The following HTN1 variants were observed in gnomAD, a reference collection of about 807,000 sequenced individuals.
The protein encoded by HTN1 is histatin-1.
HTN1 carries 18 observed loss-of-function variants against 11.2 expected under a neutral mutation model. The observed-to-expected ratio is 1.61, with a 90% CI of 1.12 to 2.39. The LOEUF (loss-of-function observed/expected upper bound fraction) is 2.39. Among genes scored for constraint, HTN1 ranks in the 30% most tolerant of loss-of-function variants. HTN1 has a pLI of 0.00. For synonymous variants in HTN1, 21 were observed against 20.5 expected (o/e 1.02, Z -0.07); for missense variants, 80 against 67.2 (o/e 1.19, Z -0.67).
intron 1 of HTN1, among the ~76,000 whole-genome samples, chr4:70,052,128 G>T (rs1725909846): frequency 6.6e-6 from 1 of 152,034 alleles, no homozygotes; most frequent in Admixed American, 6.6e-5. Context: ...TTGAAATATT[G>T]AATAATCTTC....
intron 4 of HTN1, among the ~76,000 whole-genome samples, chr4:70,054,768 C>T (rs1725990763): frequency 6.6e-6 from 1 of 151,932 alleles, no homozygotes; most frequent in Non-Finnish European, 1.5e-5. Context: ...ATAACATATG[C>T]TTAATAAAGC....
chr4:70,055,741 GC>G, intron 5 of HTN1, 139 bp downstream of exon 5: 1 of 549,196 alleles, frequency 1.8e-6, no homozygotes, highest in Non-Finnish European at 3.3e-6. Flanking sequence ...TTGTATAAAT[GC>G]TTCTGAAGCT....
chr4:70,056,395 G>C (rs1340324653), intron 5 of HTN1: 1 of 152,042 alleles, frequency 6.6e-6, no homozygotes, highest in Non-Finnish European at 1.5e-5. Context: ...ACTCAAGACA[G>C]ATTAAAAACT....
At chr4:70,051,746 T>A (rs1725899548) in intron 1 of HTN1, among the ~76,000 whole-genome samples, 1 of 152,118 alleles carries the variant, frequency 6.6e-6, no homozygotes, top group African/African-American at 2.4e-5. Context: ...GCCATAAATC[T>A]TGGGTTCTGC....
rs139997820 is a variant in HTN1, at chr4:70,054,666, G to A, written c.102+216G>A. ...AGAAACTCAATTCCACCTGAAATAA[G>A]TCAATTGTCAATTATTCTCTGAGAA... On this transcript the variant is annotated intron_variant, in intron 4 of 5. Transcript: ENST00000246896. Among the ~76,000 whole-genome samples, 37 of 152,108 alleles carry A rather than the reference G, an allele frequency of 2.4e-4. No individual in the cohort carries two copies. In the East Asian group the frequency reaches 6.9e-3, roughly 29 times the overall value.
intron 5 of HTN1, chr4:70,057,648 T>C (rs1726076780): frequency 6.6e-6 from 1 of 152,198 alleles, no homozygotes; most frequent in South Asian, 2.1e-4. Context: ...ACCTCAGTTT[T>C]CTAATCGACA....
chr4:70,057,902 C>T (rs1354019013), intron 5 of HTN1: 3 of 152,072 alleles, frequency 2.0e-5, no homozygotes, highest in Non-Finnish European at 4.4e-5. Context: ...CTCTAATGAG[C>T]AATTGCTATA....
At chr4:70,052,846 T>C in intron 1 of HTN1, 1 of 420,998 alleles carries the variant, frequency 2.4e-6, no homozygotes, top group Non-Finnish European at 4.3e-6. Context: ...CACACACTTG[T>C]AGTTCCAGCT....
At chr4:70,051,737 C>T (rs556136437) in intron 1 of HTN1, among the ~76,000 whole-genome samples, 1 of 151,926 alleles carries the variant, frequency 6.6e-6, no homozygotes, top group South Asian at 2.1e-4. Flanking sequence ...ATGGTAAATG[C>T]CATAAATCTT....
rs367871166 is a variant in HTN1, at chr4:70,055,573, C to G, written c.*4C>G. 2.0e-6 allele frequency: 3 copies of G among 1,519,318 alleles called. No homozygotes were observed. The highest frequency in any genetic ancestry group is 2.8e-5 in the African/African-American group (2 of 72,588). 94.1% of individuals were successfully genotyped at this position (1,519,318 alleles called of 1,614,324 possible). ...AAATTATCTATATGACAATTGATAT[C>G]CTTAGTAATCATGGGGCATGATTAT... On this transcript the variant is annotated 3_prime_UTR_variant, in exon 5 of 6. Coordinates refer to ENST00000246896, the MANE Select transcript of HTN1 (RefSeq NM_002159.4).
At chr4:70,052,230 T>A (rs1179009770) in intron 1 of HTN1, among the ~76,000 whole-genome samples, 4 of 152,194 alleles carry the variant, frequency 2.6e-5, no homozygotes, top group Non-Finnish European at 4.4e-5. Flanking sequence ...AATGTTCTAA[T>A]CTCAGGGTTA....
intron 5 of HTN1, chr4:70,056,735 CAG>C (rs1726052790): frequency 6.6e-6 from 1 of 150,622 alleles, no homozygotes; most frequent in Non-Finnish European, 1.5e-5. Context: ...AGGACATGAA[CAG>C]ATAGTTCTCA....
intron 1 of HTN1, among the ~76,000 whole-genome samples, chr4:70,051,595 A>G (rs1725895091): frequency 6.6e-6 from 1 of 152,156 alleles, no homozygotes; most frequent in Admixed American, 6.5e-5. Context: ...TGCCTTTTGT[A>G]TCATAAAAAG....
intron 1 of HTN1, among the ~76,000 whole-genome samples, 152 bp downstream of exon 1, chr4:70,050,647 TG>T (rs1468754233): frequency 6.6e-6 from 1 of 152,214 alleles, no homozygotes; most frequent in Non-Finnish European, 1.5e-5. Context: ...TTTACATTTT[TG>T]TATATTACCT....
rs952399296 is a variant in HTN1, at chr4:70,057,749, T to C, written c.*34-831T>C. On this transcript the variant is annotated intron_variant, in intron 5 of 5. Coordinates refer to ENST00000246896, the MANE Select transcript of HTN1 (RefSeq NM_002159.4). ...AGAAGCCCTTGTTCTGGAAGGTGTA[T>C]GGTTGTGGCCATAGGCTTCTCTGCC... The C allele has an allele frequency of 2.6e-5, 4 of 152,278 alleles. No homozygotes were observed. In the South Asian group the frequency reaches 6.2e-4, roughly 24 times the overall value. The allele number at this position is 152,278 out of a possible 1,614,324, so 9.4% of individuals were successfully genotyped here.
intron 5 of HTN1, chr4:70,056,861 C>A (rs1477255180): frequency 6.6e-6 from 1 of 151,972 alleles, no homozygotes; most frequent in African/African-American, 2.4e-5. Flanking sequence ...AGTCAGAATG[C>A]TGATTATTAA....
At chr4:70,051,126 A>C (rs1335917254) in intron 1 of HTN1, among the ~76,000 whole-genome samples, 1 of 152,168 alleles carries the variant, frequency 6.6e-6, no homozygotes, top group African/African-American at 2.4e-5. Context: ...TTAATTCTAC[A>C]TTTAACTTAA....
rs1560435520 is a variant in HTN1 at position 70,054,406 on chromosome 4, CTTTTT to C, written c.73-14_73-10del. On this transcript the variant is annotated splice_polypyrimidine_tract_variant and intron_variant, in intron 3 of 5. Transcript: ENST00000246896. ...ACATATATTGAATTTTTAATCTTTT[CTTTTT>C]ATTTCATAGAGACATCATGGGTATA... The C allele has an allele frequency of 1.1e-5, 17 of 1,520,272 alleles. 1 individual carries two copies. Among genetic ancestry groups the C allele is most frequent in the Non-Finnish European group, 1.3e-5 (14 of 1,108,346 alleles). 94.2% of individuals were successfully genotyped at this position (1,520,272 alleles called of 1,614,324 possible). A position where few individuals can be genotyped will look rare whatever the true frequency, so the allele number is the denominator to read the frequency against.
intron 1 of HTN1, among the ~76,000 whole-genome samples, chr4:70,051,274 C>A (rs1240577557): frequency 3.9e-5 from 6 of 152,010 alleles, no homozygotes; most frequent in African/African-American, 9.7e-5. Context: ...ACCTTTCCAT[C>A]ATTTAAAACA....
Sources: gnomAD v4.1 joint callset for allele counts (sites outside exome capture counted in the v4.1 genomes callset) on GRCh38, gnomAD v4.1.1 for gene constraint, MANE v1.5 for transcripts, NCBI Gene and HGNC (gene_info 2026-07-23, HGNC 2026-07-21) for gene names.